The following LYN variants were observed in gnomAD, a reference collection of about 807,000 sequenced individuals.
LYN encodes the protein tyrosine-protein kinase Lyn.
In LYN, 12 loss-of-function variants were observed where a neutral mutation model predicts 65.0. That is an observed-to-expected ratio of 0.18 (90% CI 0.12 to 0.30). The LOEUF (loss-of-function observed/expected upper bound fraction) is 0.30, where lower values mean the gene tolerates loss of function less well. LYN is among the 10% of genes least tolerant of loss of function. The pLI, the probability that LYN is intolerant of heterozygous loss-of-function variation, is 1.00. For missense variants in LYN, 380 were observed against 623.2 expected, an observed-to-expected ratio of 0.61 and a Z score of 4.16; for synonymous variants, 222 against 221.2, an observed-to-expected ratio of 1.00 and a Z score of -0.03.
chr8:55,908,180 G>T (rs539832480), intron 1 of LYN, among the ~76,000 whole-genome samples: 204 of 152,070 alleles, frequency 1.3e-3, no homozygotes, highest in African/African-American at 4.4e-3. Context: ...AGAATTAAAG[G>T]TGATAAGGGC....
chr8:55,903,584 A>G (rs113809677), intron 1 of LYN, among the ~76,000 whole-genome samples: 1 of 152,238 alleles, frequency 6.6e-6, no homozygotes, highest in African/African-American at 2.4e-5. Context: ...ATTTCCTGGA[A>G]GGATATTTTT....
intron 10 of LYN, among the ~76,000 whole-genome samples, chr8:55,996,994 G>A (rs889926549): frequency 6.6e-6 from 1 of 151,760 alleles, no homozygotes; most frequent in African/African-American, 2.4e-5. Context: ...AACCCCGTCT[G>A]TACTAAAAAT....
intron 1 of LYN, among the ~76,000 whole-genome samples, chr8:55,894,640 C>T (rs118106492): frequency 6.6e-6 from 1 of 151,170 alleles, no homozygotes; most frequent in Non-Finnish European, 1.5e-5. Flanking sequence ...TCAAGCTATT[C>T]TCCTTCTTCA....
chr8:55,965,722 G>A (rs1436322232), intron 8 of LYN, among the ~76,000 whole-genome samples: 3 of 152,116 alleles, frequency 2.0e-5, no homozygotes, highest in Non-Finnish European at 2.9e-5. Flanking sequence ...TATAATGTGA[G>A]TGTATGCCTG....
intron 4 of LYN, among the ~76,000 whole-genome samples, chr8:55,948,298 G>A (rs954230233): frequency 2.0e-5 from 3 of 152,120 alleles, no homozygotes; most frequent in African/African-American, 7.2e-5. Context: ...ATCCACTCTT[G>A]CCACCTTAAG....
chr8:56,011,341 T>C lies in LYN; in HGVS notation c.*1231T>C, dbSNP rs908330460. 22 of 219,380 alleles carry C rather than the reference T, an allele frequency of 1.0e-4. No homozygotes were observed. The highest frequency in any genetic ancestry group is 1.6e-4 in the Non-Finnish European group (17 of 109,448). The allele number at this position is 219,380 out of a possible 1,614,324, so 13.6% of individuals were successfully genotyped here. A position where few individuals can be genotyped will look rare whatever the true frequency, so the allele number is the denominator to read the frequency against. ...TGCTGTTGTGTATATACCTAATATT[T>C]CTATTTTTGATTTTATTTTAATACA... On this transcript the variant is annotated 3_prime_UTR_variant, in exon 13 of 13. Transcript: ENST00000519728.
chr8:55,923,324 TC>T (rs973133560), intron 1 of LYN, among the ~76,000 whole-genome samples: 1 of 152,028 alleles, frequency 6.6e-6, no homozygotes, highest in African/African-American at 2.4e-5. Flanking sequence ...GAGAACTGCT[TC>T]CCCTTCCCAG....
chr8:55,894,555 C>T (rs113395642), intron 1 of LYN, among the ~76,000 whole-genome samples: 9,490 of 148,380 alleles, frequency 0.064, 506 homozygotes, highest in African/African-American at 0.15. Flanking sequence ...TTTTTTTTGA[C>T]GGAGTCTTGT....
chr8:55,989,488 G>A (rs555922517), intron 10 of LYN, among the ~76,000 whole-genome samples: 1 of 152,152 alleles, frequency 6.6e-6, no homozygotes, highest in African/African-American at 2.4e-5. Context: ...GGGAGAGCCC[G>A]GTTGCCTTTC....
chr8:55,900,446 C>T (rs1980041), intron 1 of LYN, among the ~76,000 whole-genome samples: 60,259 of 151,750 alleles, frequency 0.4, 12,247 homozygotes, highest in Middle Eastern at 0.54. Flanking sequence ...GATCATTGCT[C>T]TCTGCAGCCT....
intron 8 of LYN, among the ~76,000 whole-genome samples, chr8:55,961,596 T>A (rs1282160556): frequency 6.6e-6 from 1 of 152,186 alleles, no homozygotes; most frequent in African/African-American, 2.4e-5. Context: ...GCTGCAATAT[T>A]TCCTGATGAC....
chr8:55,928,563 T>A (rs1201029291), intron 1 of LYN, among the ~76,000 whole-genome samples: 1 of 152,230 alleles, frequency 6.6e-6, no homozygotes, highest in East Asian at 1.9e-4. Flanking sequence ...CTGTTGCCCA[T>A]TTTAAAAATC....
chr8:55,970,653 T>C (rs1403928906), intron 10 of LYN, among the ~76,000 whole-genome samples: 1 of 152,110 alleles, frequency 6.6e-6, no homozygotes, highest in Non-Finnish European at 1.5e-5. Flanking sequence ...AGGAAATTGC[T>C]ACGGCCTTCT....
chr8:55,920,924 T>C (rs1397219005), intron 1 of LYN, among the ~76,000 whole-genome samples: 1 of 152,190 alleles, frequency 6.6e-6, no homozygotes, highest in Non-Finnish European at 1.5e-5. Context: ...CTTGAACTCC[T>C]GACCTCAGGT....
intron 1 of LYN, among the ~76,000 whole-genome samples, chr8:55,919,922 G>GA (rs1444464909): frequency 2.0e-5 from 3 of 151,208 alleles, no homozygotes; most frequent in African/African-American, 7.3e-5. Flanking sequence ...GGGAGTGGGG[G>GA]TGGGAGCTTT....
intron 1 of LYN, among the ~76,000 whole-genome samples, chr8:55,924,283 A>C (rs1259334583): frequency 6.6e-6 from 1 of 152,068 alleles, no homozygotes; most frequent in African/African-American, 2.4e-5. Flanking sequence ...CTCAAAACAC[A>C]GTTTGGGAAT....
At chr8:55,902,666 A>C (rs1281900449) in intron 1 of LYN, 1 of 399,648 alleles carries the variant, frequency 2.5e-6, no homozygotes, top group East Asian at 6.7e-5. Flanking sequence ...TTATTACTTA[A>C]ATGTTATTTT....
intron 1 of LYN, among the ~76,000 whole-genome samples, chr8:55,907,172 C>G (rs951952270): frequency 1.7e-4 from 26 of 152,134 alleles, no homozygotes; most frequent in African/African-American, 6.0e-4. Context: ...TTATGCAACC[C>G]TGGAAATATC....
At chr8:55,970,211 C>T (rs1011973577) in intron 10 of LYN, among the ~76,000 whole-genome samples, 13 of 152,170 alleles carry the variant, frequency 8.5e-5, no homozygotes, top group Admixed American at 3.3e-4. Flanking sequence ...TTCTTGAAAA[C>T]AGAGGAACTA....
Sources: gnomAD v4.1 joint callset for allele counts (sites outside exome capture counted in the v4.1 genomes callset) on GRCh38, gnomAD v4.1.1 for gene constraint, MANE v1.5 for transcripts, NCBI Gene and HGNC (gene_info 2026-07-23, HGNC 2026-07-21) for gene names.